The following ST6GALNAC3 variants were observed in gnomAD, a reference collection of about 807,000 sequenced individuals.
The protein encoded by ST6GALNAC3 is alpha-N-acetylgalactosaminide alpha-2,6-sialyltransferase 3.
Under a neutral mutation model 32.7 loss-of-function variants are expected in ST6GALNAC3, and 25 were observed. The ratio of observed to expected loss-of-function variants is 0.76; its 90% CI spans 0.56 to 1.07. The LOEUF (loss-of-function observed/expected upper bound fraction) is 1.07, where lower values mean the gene tolerates loss of function less well. Ranked by LOEUF, ST6GALNAC3 falls within the 50% of genes least tolerant of loss-of-function variation. The pLI is 0.00. For missense variants in ST6GALNAC3, 355 were observed against 382.4 expected, an observed-to-expected ratio of 0.93 and a Z score of 0.60; for synonymous variants, 129 against 133.1, an observed-to-expected ratio of 0.97 and a Z score of 0.21.
intron 1 of ST6GALNAC3, among the ~76,000 whole-genome samples, chr1:76,172,476 A>G (rs150226774): frequency 4.3e-4 from 65 of 152,220 alleles, no homozygotes; most frequent in African/African-American, 1.5e-3. Flanking sequence ...TAGTATTGGA[A>G]GTTCTGGCCA....
At chr1:76,583,400 G>A (rs1022154139) in intron 3 of ST6GALNAC3, among the ~76,000 whole-genome samples, 1 of 152,164 alleles carries the variant, frequency 6.6e-6, no homozygotes, top group Non-Finnish European at 1.5e-5. Context: ...AGTTTGAGAA[G>A]CCTTTGATGA....
At chr1:76,577,389 G>A (rs1221948572) in intron 3 of ST6GALNAC3, 16 of 940,742 alleles carry the variant, frequency 1.7e-5, no homozygotes, top group Non-Finnish European at 1.9e-5. Context: ...AGTGGAAATC[G>A]CTCTTGTGAA....
At chr1:76,113,918 G>A (rs1258819318) in intron 1 of ST6GALNAC3, among the ~76,000 whole-genome samples, 1 of 151,634 alleles carries the variant, frequency 6.6e-6, no homozygotes, top group African/African-American at 2.4e-5. Context: ...CCCACCTCCC[G>A]GGTTCAAGCA....
chr1:76,299,705 G>A (rs1254823044), intron 1 of ST6GALNAC3, among the ~76,000 whole-genome samples: 1 of 151,936 alleles, frequency 6.6e-6, no homozygotes, highest in Non-Finnish European at 1.5e-5. Context: ...CTATGTATTG[G>A]TAATTCTTCC....
chr1:76,270,118 A>G (rs1333001548), intron 1 of ST6GALNAC3, among the ~76,000 whole-genome samples: 1 of 152,210 alleles, frequency 6.6e-6, no homozygotes, highest in African/African-American at 2.4e-5. Flanking sequence ...GAATTCATAA[A>G]GTTGAAATTA....
At chr1:76,166,093 A>G (rs547045040) in intron 1 of ST6GALNAC3, among the ~76,000 whole-genome samples, 2 of 152,218 alleles carry the variant, frequency 1.3e-5, no homozygotes, top group East Asian at 3.9e-4. Flanking sequence ...CCCTGTTTCT[A>G]TGGCCAGAAT....
chr1:76,256,691 A>T (rs2100714818), intron 1 of ST6GALNAC3, among the ~76,000 whole-genome samples: 1 of 151,814 alleles, frequency 6.6e-6, no homozygotes, highest in African/African-American at 2.4e-5. Context: ...ATCTTCAAGG[A>T]AGTGGTTTGG....
chr1:76,303,750 C>T (rs765464940), intron 1 of ST6GALNAC3, among the ~76,000 whole-genome samples: 1 of 151,966 alleles, frequency 6.6e-6, no homozygotes, highest in Non-Finnish European at 1.5e-5. Context: ...TAAGCCTTTT[C>T]ATTATGTGCC....
At position 76,080,407 on chromosome 1, in the gene ST6GALNAC3, G is replaced by A. The variant is rs181103647; in HGVS notation, c.18+5523G>A. ...ACTCTAATGTATAGCAGGCAGATTA[G>A]AGCTTGTTGATTAGTTTGCTCCTTA... On this transcript the variant is annotated intron_variant, in intron 1 of 4. Coordinates refer to ENST00000328299, the MANE Select transcript of ST6GALNAC3 (RefSeq NM_152996.4). Among the ~76,000 whole-genome samples, 624 of 152,158 alleles carry A rather than the reference G, an allele frequency of 4.1e-3. 1 individual carries two copies. The highest frequency in any genetic ancestry group is 6.6e-3 in the Non-Finnish European group (447 of 68,008).
intron 1 of ST6GALNAC3, among the ~76,000 whole-genome samples, chr1:76,087,814 GATA>G (rs1405521730): frequency 6.6e-6 from 1 of 152,206 alleles, no homozygotes; most frequent in Non-Finnish European, 1.5e-5. Flanking sequence ...ACTTGCCCAT[GATA>G]ATAATAACTT....
At position 76,631,139 on chromosome 1, in the gene ST6GALNAC3, G is replaced by T; in HGVS notation, c.*2333G>T. On this transcript the variant is annotated 3_prime_UTR_variant, in exon 5 of 5. Coordinates refer to ENST00000328299, the MANE Select transcript of ST6GALNAC3 (RefSeq NM_152996.4). ...CACTCTATAGCAGAAGGTGTGTGTG[G>T]AATATGTAGACTCCAGTGTTTTCTT... 1.7e-6 allele frequency: 1 copy of T among 590,090 alleles called. No homozygotes were observed. Among genetic ancestry groups the T allele is most frequent in the Non-Finnish European group, 2.1e-6 (1 of 469,574 alleles). 36.6% of individuals were successfully genotyped at this position (590,090 alleles called of 1,614,324 possible).
At chr1:76,455,837 C>G (rs1271080751) in intron 3 of ST6GALNAC3, among the ~76,000 whole-genome samples, 1 of 152,152 alleles carries the variant, frequency 6.6e-6, no homozygotes, top group Non-Finnish European at 1.5e-5. Context: ...TTCAGAGCCT[C>G]TTTACCCTTA....
intron 3 of ST6GALNAC3, among the ~76,000 whole-genome samples, chr1:76,564,320 T>G (rs1033545579): frequency 1.3e-5 from 2 of 152,236 alleles, no homozygotes; most frequent in African/African-American, 4.8e-5. Context: ...CTATTTACTT[T>G]TAAACCTACT....
At chr1:76,329,916 C>T (rs1647156935) in intron 2 of ST6GALNAC3, among the ~76,000 whole-genome samples, 1 of 152,110 alleles carries the variant, frequency 6.6e-6, no homozygotes, top group East Asian at 1.9e-4. Context: ...TCAGGTGATT[C>T]TCCTGCCTCA....
At chr1:76,495,421 A>G (rs1413637716) in intron 3 of ST6GALNAC3, among the ~76,000 whole-genome samples, 1 of 152,100 alleles carries the variant, frequency 6.6e-6, no homozygotes, top group Non-Finnish European at 1.5e-5. Flanking sequence ...CAAAGTTGCA[A>G]AAAGTGTCAT....
chr1:76,358,092 A>G (rs1649632690), intron 2 of ST6GALNAC3, among the ~76,000 whole-genome samples: 1 of 152,076 alleles, frequency 6.6e-6, no homozygotes, highest in South Asian at 2.1e-4. Context: ...CCCTCAGTGC[A>G]TAGGGTATGT....
chr1:76,076,187 C>T (rs542243573), intron 1 of ST6GALNAC3, among the ~76,000 whole-genome samples: 1 of 152,184 alleles, frequency 6.6e-6, no homozygotes, highest in Non-Finnish European at 1.5e-5. Context: ...GAATATGAGT[C>T]ATCTTTACTA....
intron 2 of ST6GALNAC3, among the ~76,000 whole-genome samples, chr1:76,338,796 A>G (rs1043013684): frequency 6.8e-6 from 1 of 148,086 alleles, no homozygotes; most frequent in Admixed American, 7.0e-5. Flanking sequence ...TGAGATTCTG[A>G]CTCAAAGAAA....
intron 1 of ST6GALNAC3, among the ~76,000 whole-genome samples, chr1:76,199,331 A>G (rs1654393854): frequency 6.6e-6 from 1 of 152,226 alleles, no homozygotes; most frequent in African/African-American, 2.4e-5. Flanking sequence ...GAGGCTTTAT[A>G]ATGGAGACAC....
Sources: allele counts gnomAD v4.1 joint callset (sites outside exome capture counted in the v4.1 genomes callset), GRCh38; gene constraint gnomAD v4.1.1; transcripts MANE v1.5; gene names NCBI Gene and HGNC (gene_info 2026-07-23, HGNC 2026-07-21).